TIMELESS: variants seen among roughly 807,000 people sequenced by gnomAD.
TIMELESS encodes the protein protein timeless homolog.
TIMELESS carries 124 observed loss-of-function variants against 164.3 expected under a neutral mutation model. The ratio of observed to expected loss-of-function variants is 0.75; its 90% CI spans 0.65 to 0.88. TIMELESS has a LOEUF of 0.88. Among genes scored for constraint, TIMELESS ranks in the 40% least tolerant of loss-of-function variants. The pLI is 0.00. For missense variants in TIMELESS, 1,422 were observed against 1,491.4 expected (o/e 0.95, Z 0.77); for synonymous variants, 564 against 563.4 (o/e 1.00, Z -0.02).
At chr12:56,420,029 A>ATATATAT (rs1322497995) in intron 26 of TIMELESS, among the ~76,000 whole-genome samples, 1 of 75,188 alleles carries the variant, frequency 1.3e-5, no homozygotes, top group African/African-American at 6.7e-5. Context: ...AAAAAAAAAA[A>ATATATAT]ATATATATAT....
chr12:56,437,322 G>A (rs957153079), intron 1 of TIMELESS, among the ~76,000 whole-genome samples: 23 of 152,088 alleles, frequency 1.5e-4, no homozygotes, highest in African/African-American at 5.1e-4. Flanking sequence ...AAATATAACT[G>A]AAGAAAATAA....
chr12:56,422,247 C>G lies in TIMELESS; in HGVS notation c.2439-56G>C, dbSNP rs150004569. On this transcript the variant is annotated intron_variant, in intron 19 of 28. Coordinates refer to ENST00000553532, the MANE Select transcript of TIMELESS (RefSeq NM_003920.5). ...AGGTTCTTGGCCCAAAAAGAGGAGACCAAAGGCCTTCTCTGATCAGTTCTG... is the reference window on the plus strand; with the variant it reads ...AGGTTCTTGGCCCAAAAAGAGGAGAGCAAAGGCCTTCTCTGATCAGTTCTG... 3.7e-4 allele frequency: 557 copies of G among 1,496,312 alleles called. 2 individuals are homozygous for G. The African/African-American group carries it at 7.1e-3, about 19-fold the overall frequency. 92.7% of individuals were successfully genotyped at this position (1,496,312 alleles called of 1,614,324 possible).
chr12:56,432,068 G>A (rs1373934828), intron 7 of TIMELESS, among the ~76,000 whole-genome samples: 2 of 152,000 alleles, frequency 1.3e-5, no homozygotes, highest in South Asian at 2.1e-4. Context: ...ATCTTGTTTA[G>A]GACAAACAGG....
chr12:56,422,813 A>AACCCC, intron 19 of TIMELESS, 34 bp downstream of exon 19: 44 of 1,356,764 alleles, frequency 3.2e-5, no homozygotes, highest in East Asian at 7.5e-5. Context: ...AACTTCCCCT[A>AACCCC]CCCCCACCCA....
intron 1 of TIMELESS, among the ~76,000 whole-genome samples, chr12:56,446,246 T>A (rs1868348144): frequency 6.6e-6 from 1 of 152,210 alleles, no homozygotes; most frequent in African/African-American, 2.4e-5. Context: ...GATTTAGGCA[T>A]ATAACAATCC....
chr12:56,447,877 G>T (rs868083682), intron 1 of TIMELESS, among the ~76,000 whole-genome samples: 5 of 152,218 alleles, frequency 3.3e-5, no homozygotes, highest in Middle Eastern at 3.4e-3. Flanking sequence ...GCAGTGTCAA[G>T]ATCTTCCAAG....
Position 56,429,011 on chromosome 12 carries a change from G to A in TIMELESS, c.1176C>T (p.Ala392=). 6.2e-7 allele frequency: 1 copy of A among 1,614,208 alleles called. No homozygotes were observed. Among genetic ancestry groups the A allele is most frequent in the Non-Finnish European group, 8.5e-7 (1 of 1,180,044 alleles). ...CAGAAACCAGGCCTGGCCGGAAGGAGGCAGCTCGGTTGAAGGCCATGAAGA... is the reference window on the plus strand; with the variant it reads ...CAGAAACCAGGCCTGGCCGGAAGGAAGCAGCTCGGTTGAAGGCCATGAAGA... ...LAFFMAFNRA[A]SFRPGLVSET... Residue 392 remains alanine, a synonymous_variant, in exon 11 of 29, where the codon GCC becomes GCT. Transcript: ENST00000553532.
chr12:56,448,751 A>T (rs1333293877), intron 1 of TIMELESS, among the ~76,000 whole-genome samples: 2 of 152,220 alleles, frequency 1.3e-5, no homozygotes, highest in African/African-American at 2.4e-5. Context: ...AATAAATAAA[A>T]AATTGAAAGT....
chr12:56,416,677 G>C lies in TIMELESS; in HGVS notation c.*1039C>G, dbSNP rs529326549. On this transcript the variant is annotated 3_prime_UTR_variant, in exon 29 of 29. Transcript: ENST00000553532. ...GATCTAGAGGCAAAAATGCTTTTCT[G>C]TGTCTTCTGTAGGGAAAGCGGAAGA... The C allele has an allele frequency of 6.6e-6, 1 of 151,728 alleles. No individual in the cohort carries two copies. The highest frequency in any genetic ancestry group is 1.5e-5 in the Non-Finnish European group (1 of 67,982). The allele number at this position is 151,728 out of a possible 1,614,324, so 9.4% of individuals were successfully genotyped here.
Position 56,423,391 on chromosome 12 carries a change from A to G in TIMELESS, c.2175T>C (p.Ile725=), listed in dbSNP as rs2136134918. ...QQNSAHTNHC[I]VKMLHRLAHD... is the part of the protein sequence containing the mutation. ...GGGCCAGCCGGTGCAGCATCTTCAC[A>G]ATGCAATGGTTAGTGTGGGCACTAT... The change falls in exon 18 of 29, where the codon ATT becomes ATC. Residue 725 remains isoleucine, a synonymous_variant. Transcript: ENST00000553532. 1 of 1,614,090 alleles carries G rather than the reference A, an allele frequency of 6.2e-7. No individual in the cohort carries two copies. Among genetic ancestry groups the G allele is most frequent in the Admixed American group, 1.7e-5 (1 of 59,994 alleles).
At chr12:56,431,814 T>G (rs1881894045) in intron 7 of TIMELESS, among the ~76,000 whole-genome samples, 2 of 151,628 alleles carry the variant, frequency 1.3e-5, no homozygotes, top group Non-Finnish European at 2.9e-5. Flanking sequence ...ATGTATATAT[T>G]CATATATACA....
chr12:56,442,492 C>T (rs1351466736), intron 1 of TIMELESS, among the ~76,000 whole-genome samples: 2 of 152,178 alleles, frequency 1.3e-5, no homozygotes, highest in African/African-American at 4.8e-5. Flanking sequence ...GATTTCTGAG[C>T]TAGAAAACAA....
intron 26 of TIMELESS, 76 bp downstream of exon 26, chr12:56,420,493 C>T: frequency 8.4e-7 from 1 of 1,195,428 alleles, no homozygotes. Context: ...ACCACCATGA[C>T]AGTGAGGAGG....
intron 13 of TIMELESS, among the ~76,000 whole-genome samples, chr12:56,427,160 T>C (rs551739877): frequency 6.6e-6 from 1 of 152,270 alleles, no homozygotes; most frequent in African/African-American, 2.4e-5. Context: ...TCTTGCTCTG[T>C]GGCCCAGACT....
chr12:56,445,823 C>T (rs972590284), intron 1 of TIMELESS, among the ~76,000 whole-genome samples: 20 of 152,094 alleles, frequency 1.3e-4, no homozygotes, highest in Admixed American at 2.0e-4. Context: ...TCCTTCTATC[C>T]CAATTGCTAC....
chr12:56,428,505 C>G, intron 12 of TIMELESS, 44 bp downstream of exon 12: 2 of 1,609,708 alleles, frequency 1.2e-6, no homozygotes, highest in Non-Finnish European at 1.7e-6. Context: ...ATTCTCATCA[C>G]GAGATGGGAC....
chr12:56,423,150 T>G, intron 18 of TIMELESS, 124 bp downstream of exon 18: 3 of 1,405,840 alleles, frequency 2.1e-6, no homozygotes, highest in Non-Finnish European at 2.9e-6. Context: ...CCTGTCTACT[T>G]TCTCATTGTT....
At position 56,428,412 on chromosome 12, in the gene TIMELESS, A is replaced by G; in HGVS notation, c.1409-7T>C. The G allele has an allele frequency of 1.2e-6, 2 of 1,606,020 alleles. No individual in the cohort carries two copies. The highest frequency in any genetic ancestry group is 1.7e-6 in the Non-Finnish European group (2 of 1,173,682). ...ATCACATAGAAAATATTGTCTAGGA[A>G]TGGGGAAGAGAAAGGGATGGAAGGG... On this transcript the variant is annotated splice_polypyrimidine_tract_variant and splice_region_variant and intron_variant, in intron 12 of 28. Coordinates refer to ENST00000553532, the MANE Select transcript of TIMELESS (RefSeq NM_003920.5).
chr12:56,438,846 A>C (rs1340029355), intron 1 of TIMELESS, among the ~76,000 whole-genome samples: 2 of 150,320 alleles, frequency 1.3e-5, no homozygotes, highest in Non-Finnish European at 3.0e-5. Flanking sequence ...AAGTAGATGA[A>C]ACTTGAAAAC....
Sources: gnomAD v4.1 joint callset for allele counts (sites outside exome capture counted in the v4.1 genomes callset) on GRCh38, gnomAD v4.1.1 for gene constraint, MANE v1.5 for transcripts, NCBI Gene and HGNC (gene_info 2026-07-23, HGNC 2026-07-21) for gene names.